C11orf65: variants seen among roughly 807,000 people sequenced by gnomAD.
The protein encoded by C11orf65 is chromosome 11 open reading frame 65, also known as protein MFI.
In C11orf65, 38 loss-of-function variants were observed where a neutral mutation model predicts 35.3. The observed-to-expected ratio is 1.08, with a 90% CI of 0.83 to 1.41. The LOEUF is 1.41. Ranked by LOEUF, C11orf65 falls within the 40% of genes most tolerant of loss-of-function variation. C11orf65 has a pLI of 0.00. For missense variants in C11orf65, 370 were observed against 367.1 expected, an observed-to-expected ratio of 1.01 and a Z score of -0.06; for synonymous variants, 105 against 114.4, an observed-to-expected ratio of 0.92 and a Z score of 0.53.
intron 3 of C11orf65, among the ~76,000 whole-genome samples, chr11:108,421,406 A>G (rs145750317): frequency 0.011 from 1,688 of 152,304 alleles, 29 homozygotes; most frequent in African/African-American, 0.038. Flanking sequence ...CTATAATCCC[A>G]GAACTTTGGG....
chr11:108,349,255 T>C (rs1203157795), intron 2 of C11orf65, among the ~76,000 whole-genome samples: 1 of 152,170 alleles, frequency 6.6e-6, no homozygotes, highest in Non-Finnish European at 1.5e-5. Context: ...AAATAGACCT[T>C]TGAATTTAAC....
In C11orf65 at chr11:108,383,030, A is replaced by G. The variant is rs139000214; in HGVS notation, c.933T>C (p.Tyr311=). ...NVTRLTPDST[Y]GL ...ATAGAAATAAAGTACTTTATAGTCCATAAGTAGAATCAGGCGTTAATCTAG... is the reference window on the plus strand; with the variant it reads ...ATAGAAATAAAGTACTTTATAGTCCGTAAGTAGAATCAGGCGTTAATCTAG... The change falls in exon 9 of 9, where the codon TAT becomes TAC. Residue 311 remains tyrosine, a synonymous_variant. Transcript: ENST00000393084. The G allele has an allele frequency of 1.7e-3, 2,683 of 1,611,060 alleles. 33 individuals carry two copies. In the African/African-American group the frequency reaches 0.029, roughly 18 times the overall value.
chr11:108,377,668 T>C, intron 2 of C11orf65, among the ~76,000 whole-genome samples: 1 of 151,090 alleles, frequency 6.6e-6, no homozygotes, highest in Non-Finnish European at 1.5e-5. Context: ...GGGTATTCAA[T>C]TAGGAAAAGA....
intron 3 of C11orf65, among the ~76,000 whole-genome samples, chr11:108,418,773 AG>A (rs2092776120): frequency 6.6e-6 from 1 of 152,130 alleles, no homozygotes; most frequent in African/African-American, 2.4e-5. Flanking sequence ...AAGAAAAAAA[AG>A]AGGAGATGCA....
intron 6 of C11orf65, among the ~76,000 whole-genome samples, chr11:108,403,219 T>C (rs1048769217): frequency 3.3e-5 from 5 of 152,172 alleles, no homozygotes; most frequent in Non-Finnish European, 7.4e-5. Context: ...TTGCCAACAA[T>C]TGGCATGACA....
At chr11:108,414,876 G>C (rs1015859412) in intron 3 of C11orf65, among the ~76,000 whole-genome samples, 1 of 151,978 alleles carries the variant, frequency 6.6e-6, no homozygotes. Context: ...GATCAAGTGG[G>C]ATTTATTTTG....
At chr11:108,354,919 T>C (rs368112789) in intron 2 of C11orf65, 28 of 1,498,510 alleles carry the variant, frequency 1.9e-5, no homozygotes, top group Non-Finnish European at 2.3e-5. Flanking sequence ...TCTTACCAGG[T>C]AGACTGTGTA....
At chr11:108,364,070 G>T (rs1201546476) in intron 2 of C11orf65, among the ~76,000 whole-genome samples, 2 of 152,044 alleles carry the variant, frequency 1.3e-5, no homozygotes, top group African/African-American at 4.8e-5. Context: ...AGTATTTAAT[G>T]GTCCTGGAGG....
At chr11:108,448,109 C>G (rs1328615232) in intron 2 of C11orf65, among the ~76,000 whole-genome samples, 2 of 152,068 alleles carry the variant, frequency 1.3e-5, no homozygotes, top group Non-Finnish European at 2.9e-5. Flanking sequence ...CTGAATAGAC[C>G]AATAACAGGA....
chr11:108,321,158 A>G, intron 6 of C11orf65: 1 of 1,102,274 alleles, frequency 9.1e-7, no homozygotes, highest in Non-Finnish European at 1.3e-6. Flanking sequence ...TTCCACTGCT[A>G]TTTTGTATTC....
intron 6 of C11orf65, among the ~76,000 whole-genome samples, chr11:108,395,202 G>C (rs2092277759): frequency 6.6e-6 from 1 of 151,282 alleles, no homozygotes. Context: ...ATAAATCCAT[G>C]TGGGATGGGC....
intron 2 of C11orf65, among the ~76,000 whole-genome samples, chr11:108,439,152 C>A (rs1388003287): frequency 4.6e-5 from 7 of 152,108 alleles, no homozygotes; most frequent in Admixed American, 4.6e-4. Context: ...CAAAACAACT[C>A]AATGTAAAAA....
rs12278194 is a variant in C11orf65, at chr11:108,342,953, T to C, written c.227-7661A>G. 7.1e-3 allele frequency among the ~76,000 whole-genome samples: 1,085 copies of C among 152,296 alleles called. 10 individuals are homozygous for C. The highest frequency in any genetic ancestry group is 0.024 in the African/African-American group (989 of 41,566). On this transcript the variant is annotated intron_variant, in intron 2 of 3. Transcript: ENST00000524755. ...GATTAATGACAGATGACGGTGAGTA[T>C]AGTTAACAGGAGTGACCTCTCAGAG...
rs1010847313 is a variant in C11orf65 at position 108,394,857 on chromosome 11, G to A, written c.561-1479C>T. Among the ~76,000 whole-genome samples, 17 of 152,194 alleles carry A rather than the reference G, an allele frequency of 1.1e-4. 1 individual carries two copies. The highest frequency in any genetic ancestry group is 1.2e-4 in the Non-Finnish European group (8 of 68,036). ...CTTAAAATGGTAATCAGGGCCAGGT[G>A]TGGTAGCTCATGCCTATAATCCCAG... On this transcript the variant is annotated intron_variant, in intron 6 of 8. Coordinates refer to ENST00000393084, the MANE Select transcript of C11orf65 (RefSeq NM_152587.5).
At chr11:108,415,103 C>T (rs1046148729) in intron 3 of C11orf65, among the ~76,000 whole-genome samples, 3 of 152,038 alleles carry the variant, frequency 2.0e-5, no homozygotes, top group Non-Finnish European at 4.4e-5. Flanking sequence ...TGTTTTCCTA[C>T]AAAGATGTCC....
At chr11:108,322,187 C>T (rs905715238) in intron 6 of C11orf65, among the ~76,000 whole-genome samples, 5 of 152,058 alleles carry the variant, frequency 3.3e-5, no homozygotes, top group African/African-American at 1.2e-4. Context: ...CCAAGTCTCG[C>T]TCTGTTGCCC....
At chr11:108,360,667 A>G (rs2090617585) in intron 2 of C11orf65, among the ~76,000 whole-genome samples, 1 of 149,238 alleles carries the variant, frequency 6.7e-6, no homozygotes, top group South Asian at 2.2e-4. Flanking sequence ...AATGTAATCC[A>G]GCATATAAAC....
downstream of C11orf65, among the ~76,000 whole-genome samples, chr11:108,380,222 G>A (rs2091841361): frequency 6.6e-6 from 1 of 152,268 alleles, no homozygotes; most frequent in Admixed American, 6.5e-5. Flanking sequence ...GCTCCACTTA[G>A]GTATAGCCCT....
At chr11:108,412,953 T>C (rs975466318) in intron 3 of C11orf65, among the ~76,000 whole-genome samples, 2 of 152,162 alleles carry the variant, frequency 1.3e-5, no homozygotes, top group East Asian at 1.9e-4. Flanking sequence ...AGAAAAAATA[T>C]AGTAATTTAC....
Sources: gnomAD v4.1 joint callset for allele counts (sites outside exome capture counted in the v4.1 genomes callset) on GRCh38, gnomAD v4.1.1 for gene constraint, MANE v1.5 for transcripts, NCBI Gene and HGNC (gene_info 2026-07-23, HGNC 2026-07-21) for gene names.